The following RNF150 variants were observed in gnomAD, a reference collection of about 807,000 sequenced individuals.
RNF150 encodes ring finger protein 150.
In RNF150, 24 loss-of-function variants were observed where a neutral mutation model predicts 39.3. The ratio of observed to expected loss-of-function variants is 0.61; its 90% CI spans 0.44 to 0.86. The LOEUF is 0.86. RNF150 is among the 40% of genes least tolerant of loss of function. The pLI is 0.00. For missense variants in RNF150, 502 were observed against 587.8 expected (o/e 0.85, Z 1.51); for synonymous variants, 255 against 227.3 (o/e 1.12, Z -1.10).
Position 141,084,253 on chromosome 4 carries a change from C to T in RNF150, c.484+48072G>A, listed in dbSNP as rs72933014. Among the ~76,000 whole-genome samples the T allele has an allele frequency of 4.2e-3, 636 of 152,202 alleles. 5 individuals carry two copies. Among genetic ancestry groups the T allele is most frequent in the African/African-American group, 0.014 (575 of 41,526 alleles). ...TGAAAACATTTTCTTATAATTCACC[C>T]GGATTTGTAGCAATATTATATATTC... On this transcript the variant is annotated intron_variant, in intron 1 of 6. Coordinates refer to ENST00000515673, the MANE Select transcript of RNF150 (RefSeq NM_020724.2).
In RNF150 at chr4:140,861,669, T is replaced by A. The variant is rs769921936; in HGVS notation, c.*6592A>T. On this transcript the variant is annotated 3_prime_UTR_variant, in exon 7 of 7. Coordinates refer to ENST00000515673, the MANE Select transcript of RNF150 (RefSeq NM_020724.2). ...TCAACTGCTCTACTATACCCATTAGTACAGGCAACAGTTTTGTATCTTCTT... is the reference window on the plus strand; with the variant it reads ...TCAACTGCTCTACTATACCCATTAGAACAGGCAACAGTTTTGTATCTTCTT... 5 of 152,246 alleles carry A rather than the reference T, an allele frequency of 3.3e-5. No individual in the cohort carries two copies. The highest frequency in any genetic ancestry group is 7.3e-5 in the Non-Finnish European group (5 of 68,050). 9.4% of individuals were successfully genotyped at this position (152,246 alleles called of 1,614,324 possible).
At chr4:141,152,305 A>G (rs1227622984) in intron 1 of RNF150, among the ~76,000 whole-genome samples, 1 of 152,238 alleles carries the variant, frequency 6.6e-6, no homozygotes, top group Non-Finnish European at 1.5e-5. Context: ...GTCCAGTCAC[A>G]TAAAAAGAAA....
intron 2 of RNF150, among the ~76,000 whole-genome samples, chr4:140,951,140 T>TACATCTAGA (rs1273806130): frequency 6.6e-6 from 1 of 152,156 alleles, no homozygotes; most frequent in African/African-American, 2.4e-5. Context: ...TCCAACAAGA[T>TACATCTAGA]CCCTCTCATC....
intron 1 of RNF150, among the ~76,000 whole-genome samples, chr4:141,161,165 G>A (rs1017538101): frequency 6.6e-6 from 1 of 152,124 alleles, no homozygotes; most frequent in African/African-American, 2.4e-5. Context: ...TGGATAATGA[G>A]GTCTTAGATG....
At chr4:141,141,306 G>A (rs918270937) in intron 1 of RNF150, among the ~76,000 whole-genome samples, 10 of 152,128 alleles carry the variant, frequency 6.6e-5, no homozygotes, top group Non-Finnish European at 1.5e-4. Flanking sequence ...TACATTCTGT[G>A]GACTTAGTGA....
At chr4:140,901,536 T>C (rs1730188101) in intron 6 of RNF150, among the ~76,000 whole-genome samples, 1 of 152,226 alleles carries the variant, frequency 6.6e-6, no homozygotes, top group African/African-American at 2.4e-5. Flanking sequence ...TACATTGCAA[T>C]ACATTCTCCT....
intron 6 of RNF150, among the ~76,000 whole-genome samples, chr4:140,904,496 C>T (rs551102330): frequency 2.0e-4 from 30 of 152,302 alleles, no homozygotes; most frequent in South Asian, 1.7e-3. Flanking sequence ...ACAGAGACTT[C>T]GCCATTTCAG....
At chr4:141,061,989 A>T (rs1350712974) in intron 1 of RNF150, among the ~76,000 whole-genome samples, 1 of 152,154 alleles carries the variant, frequency 6.6e-6, no homozygotes, top group Non-Finnish European at 1.5e-5. Flanking sequence ...ATTATGAGAC[A>T]CAAAAATTAA....
chr4:141,077,109 T>TA (rs1245646365), intron 1 of RNF150, among the ~76,000 whole-genome samples: 6 of 151,822 alleles, frequency 4.0e-5, no homozygotes, highest in Non-Finnish European at 8.8e-5. Flanking sequence ...GGAGAAGAAG[T>TA]AAAAAAGGGG....
rs760719400 is a variant in RNF150 at position 140,890,060 on chromosome 4, C to G, written c.1198+21084G>C. ...TTGTGTCTCACCACTAGTTTCATAT[C>G]CCCAACACAGCAACCACCACTCTGA... On this transcript the variant is annotated intron_variant, in intron 6 of 6. Transcript: ENST00000515673. 7.0e-4 allele frequency among the ~76,000 whole-genome samples: 107 copies of G among 152,258 alleles called. 2 individuals carry two copies. The Middle Eastern group carries it at 0.01, about 15-fold the overall frequency.
chr4:141,135,957 A>T (rs1288656489), upstream of RNF150, among the ~76,000 whole-genome samples: 1 of 152,220 alleles, frequency 6.6e-6, no homozygotes. Context: ...TGAAAAGAAC[A>T]ATACACGGCA....
chr4:140,901,139 G>A (rs191379702), intron 6 of RNF150, among the ~76,000 whole-genome samples: 4 of 152,272 alleles, frequency 2.6e-5, no homozygotes, highest in Middle Eastern at 3.4e-3. Context: ...AGTGGTTTCT[G>A]GGCATTTGGT....
chr4:141,170,775 A>T (rs1017028476), intron 1 of RNF150, among the ~76,000 whole-genome samples: 23 of 152,208 alleles, frequency 1.5e-4, no homozygotes, highest in Admixed American at 5.2e-4. Context: ...TCATATGTCA[A>T]CTAGCTTCAG....
intron 6 of RNF150, among the ~76,000 whole-genome samples, chr4:140,874,657 G>A (rs1006646543): frequency 2.0e-5 from 3 of 152,128 alleles, no homozygotes; most frequent in Admixed American, 2.0e-4. Flanking sequence ...TGCCACCTAG[G>A]CTGGAATGCA....
At chr4:141,152,008 CAA>C (rs879773313) in intron 1 of RNF150, among the ~76,000 whole-genome samples, 1 of 144,268 alleles carries the variant, frequency 6.9e-6, no homozygotes. Context: ...CATTGACAGC[CAA>C]AAAAAAAAAT....
chr4:141,077,608 G>GT (rs1737943374), intron 1 of RNF150, among the ~76,000 whole-genome samples: 1 of 152,260 alleles, frequency 6.6e-6, no homozygotes, highest in African/African-American at 2.4e-5. Context: ...CCTCCTGGCT[G>GT]TGGAAGCAAG....
At chr4:140,926,905 T>A (rs1295140990) in intron 4 of RNF150, among the ~76,000 whole-genome samples, 15 of 152,198 alleles carry the variant, frequency 9.9e-5, no homozygotes, top group Admixed American at 9.8e-4. Context: ...GAGAAAGAAC[T>A]ATCTGTTTTA....
intron 1 of RNF150, among the ~76,000 whole-genome samples, chr4:140,999,931 TGGTCTCAAAAA>T (rs1409913286): frequency 3.1e-5 from 2 of 64,980 alleles, no homozygotes; most frequent in Admixed American, 2.1e-4. Flanking sequence ...GAGTGAGACT[TGGTCTCAAAAA>T]AAGAAGAAGA....
At chr4:141,180,015 C>T (rs924139360) in intron 1 of RNF150, among the ~76,000 whole-genome samples, 12 of 152,188 alleles carry the variant, frequency 7.9e-5, no homozygotes, top group Non-Finnish European at 1.5e-4. Context: ...TTCACAGCAT[C>T]TCAGATAATT....
Sources: gnomAD v4.1 joint callset for allele counts (sites outside exome capture counted in the v4.1 genomes callset) on GRCh38, gnomAD v4.1.1 for gene constraint, MANE v1.5 for transcripts, NCBI Gene and HGNC (gene_info 2026-07-23, HGNC 2026-07-21) for gene names.